The following KMT2E variants were observed in gnomAD, a reference collection of about 807,000 sequenced individuals.
KMT2E encodes lysine methyltransferase 2E (inactive), also known as histone reader KMT2E.
KMT2E carries 30 observed loss-of-function variants against 184.6 expected under a neutral mutation model. The observed-to-expected ratio is 0.16, with a 90% CI of 0.12 to 0.22. The LOEUF (loss-of-function observed/expected upper bound fraction) is 0.22. KMT2E is among the 10% of genes least tolerant of loss of function. The probability of loss-of-function intolerance (pLI) is 1.00; values close to 1 mark genes in which losing one functional copy is unlikely to be tolerated. For missense variants in KMT2E, 2,023 were observed against 2,237.4 expected (o/e 0.90, Z 1.93); for synonymous variants, 815 against 776.5 (o/e 1.05, Z -0.82).
In KMT2E at chr7:105,112,887, G is replaced by A. The variant is rs1281242687; in HGVS notation, c.5131G>A (p.Val1711Ile). 1 of 1,578,868 alleles carries A rather than the reference G, an allele frequency of 6.3e-7. No homozygotes were observed. The highest frequency in any genetic ancestry group is 1.4e-5 in the African/African-American group (1 of 71,420). ...QGLQAQHQHV[V>I]NSAPPPPPPP... ...TCTACAAGCACAACACCAGCATGTTGTAAATTCAGCACCCCCACCACCCCC... is the reference window on the plus strand; with the variant it reads ...TCTACAAGCACAACACCAGCATGTTATAAATTCAGCACCCCCACCACCCCC... Residue 1711 changes from valine (V) to isoleucine (I), a missense_variant, in exon 27 of 27, where the codon GTA becomes ATA. Physicochemically the swap from Val to Ile is conservative, Grantham distance 29 (BLOSUM62 3). Around this residue, in one of 8 missense-constraint regions of KMT2E, gnomAD observed 1,108 missense variants for 1,050.9 expected, o/e 1.05. Transcript: ENST00000311117.
At chr7:105,060,614 T>C (rs1796778786) in intron 3 of KMT2E, among the ~76,000 whole-genome samples, 1 of 151,854 alleles carries the variant, frequency 6.6e-6, no homozygotes, top group Non-Finnish European at 1.5e-5. Context: ...TTATTTTTAA[T>C]GTCTGTAGAG....
At chr7:105,059,948 C>T (rs1166059518) in intron 3 of KMT2E, among the ~76,000 whole-genome samples, 1 of 136,866 alleles carries the variant, frequency 7.3e-6, no homozygotes, top group Non-Finnish European at 1.6e-5. Context: ...ACAGCATAGA[C>T]ATTAGCTGAA....
chr7:105,045,628 T>C (rs1796072300), intron 3 of KMT2E, among the ~76,000 whole-genome samples: 1 of 152,232 alleles, frequency 6.6e-6, no homozygotes, highest in Non-Finnish European at 1.5e-5. Flanking sequence ...AGAATTCCAT[T>C]CCTTTTTATG....
Position 105,101,552 on chromosome 7 carries a change from A to G in KMT2E, c.1850A>G (p.Lys617Arg). Reference protein sequence around the residue: ...TAKTEVKTECKDTQIVSDAEV... With the variant: ...TAKTEVKTECRDTQIVSDAEV... ...AAAACTGAAGTTAAAACTGAATGTA[A>G]AGATACACAGATTGTCAGTGATGCT... Residue 617 changes from lysine (K) to arginine (R), a missense_variant, in exon 16 of 27, where the codon AAA becomes AGA. Around this residue, in one of 8 missense-constraint regions of KMT2E, gnomAD observed 514 missense variants for 621.8 expected, o/e 0.83. Transcript: ENST00000311117. The G allele has an allele frequency of 6.3e-7, 1 of 1,577,598 alleles. No homozygotes were observed. The highest frequency in any genetic ancestry group is 1.4e-5 in the African/African-American group (1 of 72,834).
At chr7:105,078,802 C>A in intron 11 of KMT2E, 44 bp from the exon 12 acceptor site, 1 of 1,152,194 alleles carries the variant, frequency 8.7e-7, no homozygotes, top group Non-Finnish European at 1.3e-6. Flanking sequence ...ACCAGCATGC[C>A]CGGCCTAAAA....
chr7:105,037,847 T>C (rs577447046), intron 1 of KMT2E, among the ~76,000 whole-genome samples: 1 of 120,742 alleles, frequency 8.3e-6, no homozygotes, highest in South Asian at 2.5e-4. Flanking sequence ...TTTAATATTG[T>C]ATTAAAATTT....
intron 3 of KMT2E, among the ~76,000 whole-genome samples, chr7:105,061,636 T>A (rs900576801): frequency 2.3e-4 from 35 of 152,194 alleles, no homozygotes; most frequent in African/African-American, 8.0e-4. Flanking sequence ...GATAGCTGTT[T>A]ATGTTTTTTT....
chr7:105,109,947 G>A (rs965072338), intron 23 of KMT2E, among the ~76,000 whole-genome samples: 4 of 150,942 alleles, frequency 2.7e-5, no homozygotes, highest in Admixed American at 2.0e-4. Context: ...AAGTTCAAGC[G>A]ATTCTCCTGC....
chr7:105,060,967 T>G (rs1009011882), intron 3 of KMT2E, among the ~76,000 whole-genome samples: 1 of 152,212 alleles, frequency 6.6e-6, no homozygotes. Context: ...CACCTAATGA[T>G]GTATTTCTCA....
At chr7:105,030,549 G>T (rs527253283) in intron 1 of KMT2E, among the ~76,000 whole-genome samples, 1 of 152,148 alleles carries the variant, frequency 6.6e-6, no homozygotes, top group African/African-American at 2.4e-5. Context: ...CACTTTTTTT[G>T]AATAGGTCAA....
chr7:105,091,844 T>C (rs886648664), intron 15 of KMT2E, among the ~76,000 whole-genome samples: 1 of 152,230 alleles, frequency 6.6e-6, no homozygotes. Context: ...CTTTTATCTG[T>C]ATAAAAATTA....
In KMT2E at chr7:105,106,680, G is replaced by A. The variant is rs1584803976; in HGVS notation, c.2755G>A (p.Asp919Asn). ...TGCCACGCCTCCACGGATAAAATCAGATGATGAAACTTGTAGAAATGGTTA... is the reference window on the plus strand; with the variant it reads ...TGCCACGCCTCCACGGATAAAATCAAATGATGAAACTTGTAGAAATGGTTA... ...SFATPPRIKS[D>N]DETCRNGYKP... Residue 919 changes from aspartate (D) to asparagine (N), a missense_variant, in exon 20 of 27, where the codon GAT becomes AAT. Transcript: ENST00000311117. The A allele has an allele frequency of 6.2e-7, 1 of 1,613,984 alleles. No homozygotes were observed.
chr7:105,086,669 G>T (rs1457379035), intron 13 of KMT2E, among the ~76,000 whole-genome samples: 1 of 151,202 alleles, frequency 6.6e-6, no homozygotes, highest in African/African-American at 2.4e-5. Context: ...AGGTTGCAGT[G>T]AGCCAATATT....
intron 1 of KMT2E, among the ~76,000 whole-genome samples, chr7:105,031,821 G>T (rs1160215572): frequency 2.0e-5 from 3 of 146,354 alleles, no homozygotes; most frequent in Non-Finnish European, 1.5e-5. Context: ...TGTAATCCCT[G>T]CACTTTGGGA....
intron 15 of KMT2E, among the ~76,000 whole-genome samples, chr7:105,096,023 G>A (rs1378861814): frequency 6.6e-6 from 1 of 152,170 alleles, no homozygotes. Context: ...GGGAGGCCAA[G>A]GTGGGTGGAT....
chr7:105,079,672 G>C (rs926070860), intron 12 of KMT2E, among the ~76,000 whole-genome samples: 3 of 150,864 alleles, frequency 2.0e-5, no homozygotes, highest in African/African-American at 7.3e-5. Flanking sequence ...CTGCAGGCGT[G>C]TGCAACCATG....
At chr7:105,041,963 TA>T (rs1368368869) in intron 3 of KMT2E, among the ~76,000 whole-genome samples, 1 of 152,190 alleles carries the variant, frequency 6.6e-6, no homozygotes, top group Non-Finnish European at 1.5e-5. Flanking sequence ...AAGCCTGCTT[TA>T]AAGTACTGTC....
At chr7:105,075,975 A>G in intron 8 of KMT2E, 68 bp from the exon 9 acceptor site, 3 of 1,271,828 alleles carry the variant, frequency 2.4e-6, no homozygotes, top group Middle Eastern at 2.1e-4. Context: ...CAATGAACCA[A>G]TTAATTCTTA....
intron 6 of KMT2E, among the ~76,000 whole-genome samples, chr7:105,071,155 A>G (rs1797269675): frequency 6.6e-6 from 1 of 152,182 alleles, no homozygotes; most frequent in African/African-American, 2.4e-5. Flanking sequence ...AGTAGTATGT[A>G]GACATTGACT....
Sources: allele counts gnomAD v4.1 joint callset (sites outside exome capture counted in the v4.1 genomes callset), GRCh38; gene constraint gnomAD v4.1.1; regional missense constraint gnomAD v4.1.1; transcripts MANE v1.5; gene names NCBI Gene and HGNC (gene_info 2026-07-23, HGNC 2026-07-21).